Variants in SERPINE3 observed in about 807,000 individuals in gnomAD.
SERPINE3 encodes serpin family E member 3.
A neutral mutation model predicts 41.7 loss-of-function variants in SERPINE3; 43 were observed. The observed-to-expected ratio is 1.03, with a 90% CI of 0.81 to 1.33. The LOEUF (loss-of-function observed/expected upper bound fraction) is 1.33, where lower values mean the gene tolerates loss of function less well. SERPINE3 is among the 40% of genes most tolerant of loss of function. The probability of loss-of-function intolerance (pLI) is 0.00; values close to 1 mark genes in which losing one functional copy is unlikely to be tolerated. For synonymous variants in SERPINE3, 200 were observed against 192.2 expected (o/e 1.04, Z -0.34); for missense variants, 440 against 491.7 (o/e 0.89, Z 0.99).
chr13:51,351,680 G>A (rs558833216), intron 6 of SERPINE3, among the ~76,000 whole-genome samples: 65 of 152,104 alleles, frequency 4.3e-4, no homozygotes, highest in African/African-American at 1.3e-3. Flanking sequence ...TTGCGCTTTC[G>A]ATGCCATATT....
intron 6 of SERPINE3, among the ~76,000 whole-genome samples, chr13:51,349,871 G>C (rs555390503): frequency 6.6e-6 from 1 of 152,304 alleles, no homozygotes; most frequent in Admixed American, 6.5e-5. Context: ...AAGGAGGATA[G>C]AGGTTTTTAG....
intron 3 of SERPINE3, among the ~76,000 whole-genome samples, chr13:51,343,357 C>T (rs926397507): frequency 1.3e-5 from 2 of 152,198 alleles, no homozygotes; most frequent in Non-Finnish European, 2.9e-5. Context: ...GCTTGGGGTA[C>T]GCCACTGTGT....
chr13:51,361,981 A>T (rs540996987), intron 9 of SERPINE3, 88 bp downstream of exon 9: 5 of 1,611,030 alleles, frequency 3.1e-6, no homozygotes, highest in Non-Finnish European at 4.2e-6. Flanking sequence ...CCCCTCAAAA[A>T]TAAGCATTCT....
chr13:51,363,968 T>C (rs1040285091), intron 9 of SERPINE3: 1 of 244,848 alleles, frequency 4.1e-6, no homozygotes, highest in African/African-American at 2.2e-5. Flanking sequence ...TAGATACTCT[T>C]GTTAAGTATG....
intron 4 of SERPINE3, 29 bp from the exon 5 acceptor site, chr13:51,346,996 C>G: frequency 6.6e-7 from 1 of 1,522,168 alleles, no homozygotes. Flanking sequence ...CACATTTAAC[C>G]CATGGCCACC....
Position 51,347,049 on chromosome 13 carries a change from G to T in SERPINE3, c.515G>T (p.Gly172Val). The change falls in exon 5 of 10, where the codon GGT becomes GTT. Residue 172 changes from glycine (G) to valine (V), a missense_variant. Gly to Val is a moderately radical substitution (Grantham distance 109). Transcript: ENST00000681248. ...GGTGGGGGCCCCAGTGAGGGCCCTG[G>T]TGGCTGGCCGTGGGAGCAAGTCAGT... ...TAGGGPSEGP[G>V]GWPWEQVSAA... The T allele has an allele frequency of 6.3e-7, 1 of 1,590,000 alleles. No homozygotes were observed. The highest frequency in any genetic ancestry group is 8.6e-7 in the Non-Finnish European group (1 of 1,167,884).
At chr13:51,346,352 T>A (rs907248056) in intron 4 of SERPINE3, among the ~76,000 whole-genome samples, 1 of 152,056 alleles carries the variant, frequency 6.6e-6, no homozygotes, top group Non-Finnish European at 1.5e-5. Flanking sequence ...GTGCAGGATC[T>A]CCCATCACAG....
At chr13:51,361,390 A>G in intron 8 of SERPINE3, 26 bp downstream of exon 8, 4 of 1,393,506 alleles carry the variant, frequency 2.9e-6, no homozygotes, top group Non-Finnish European at 4.1e-6. Context: ...ACCCAGTCAC[A>G]CTGCTTACCC....
chr13:51,352,952 C>T (rs1467757532), intron 6 of SERPINE3, among the ~76,000 whole-genome samples: 1 of 152,022 alleles, frequency 6.6e-6, no homozygotes, highest in East Asian at 1.9e-4. Flanking sequence ...GGGATAAATC[C>T]CACTTTGTCA....
Position 51,341,304 on chromosome 13 carries a change from C to T in SERPINE3, c.213C>T (p.Ser71=). 1.2e-6 allele frequency: 2 copies of T among 1,612,302 alleles called. No individual in the cohort carries two copies. The highest frequency in any genetic ancestry group is 1.7e-6 in the Non-Finnish European group (2 of 1,178,994). The change falls in exon 3 of 10, where the codon AGC becomes AGT. Residue 71 remains serine (S), a synonymous_variant. Transcript: ENST00000681248. ...TCCTGCAGTTTGGAGCAGAAGGGAG[C>T]ACTGGTCAGCAGCTGGCAGATGCCC... ...LEILQFGAEG[S]TGQQLADALG...
intron 5 of SERPINE3, 88 bp from the exon 6 acceptor site, chr13:51,348,125 C>T (rs1955367764): frequency 9.6e-7 from 1 of 1,038,816 alleles, no homozygotes; most frequent in Non-Finnish European, 1.4e-6. Context: ...GTTTCCAGTC[C>T]TCTGAGCCAG....
At chr13:51,346,710 T>A (rs1272992281) in intron 4 of SERPINE3, among the ~76,000 whole-genome samples, 1 of 152,168 alleles carries the variant, frequency 6.6e-6, no homozygotes, top group African/African-American at 2.4e-5. Context: ...AGCCTCTGAC[T>A]CTGGCCCTGT....
intron 9 of SERPINE3, 115 bp from the exon 10 acceptor site, chr13:51,364,124 C>A: frequency 2.2e-6 from 1 of 460,158 alleles, no homozygotes; most frequent in South Asian, 5.8e-5. Flanking sequence ...TTAACAATTC[C>A]ATCTATTAAA....
At position 51,364,319 on chromosome 13, in the gene SERPINE3, TAA is replaced by T. The variant is rs1955642968; in HGVS notation, c.*39_*40del. On this transcript the variant is annotated 3_prime_UTR_variant, in exon 10 of 10. Coordinates refer to ENST00000681248, the MANE Select transcript of SERPINE3 (RefSeq NM_001386375.1). ...CCACTTTCATCAATGCTTTTCTTCA[TAA>T]AGTTATAATTTCATTTTGCTATACC... 6 of 1,257,134 alleles carry T rather than the reference TAA, an allele frequency of 4.8e-6. No homozygotes were observed. In the Admixed American group the frequency reaches 1.4e-4, roughly 29 times the overall value. 77.9% of individuals were successfully genotyped at this position (1,257,134 alleles called of 1,614,324 possible).
At chr13:51,349,334 G>T (rs1286178449) in intron 6 of SERPINE3, among the ~76,000 whole-genome samples, 1 of 152,190 alleles carries the variant, frequency 6.6e-6, no homozygotes, top group African/African-American at 2.4e-5. Flanking sequence ...GGTCTAAAGT[G>T]AGATCTGGCA....
intron 4 of SERPINE3, 126 bp from the exon 5 acceptor site, chr13:51,346,899 C>A: frequency 1.5e-6 from 1 of 657,022 alleles, no homozygotes. Context: ...AAGAGAGAGA[C>A]CACCTTAAGC....
chr13:51,347,309 T>C (rs1346144462), intron 5 of SERPINE3, 75 bp downstream of exon 5: 2 of 1,266,108 alleles, frequency 1.6e-6, no homozygotes, highest in Non-Finnish European at 2.3e-6. Flanking sequence ...GGAGGCCAGG[T>C]CCCTGCTCCT....
At chr13:51,353,157 C>A (rs1367856394) in intron 6 of SERPINE3, among the ~76,000 whole-genome samples, 1 of 152,136 alleles carries the variant, frequency 6.6e-6, no homozygotes, top group Non-Finnish European at 1.5e-5. Context: ...CCATACAAGA[C>A]AATCACTCTA....
chr13:51,354,078 A>C (rs11542715), intron 6 of SERPINE3: 4 of 152,210 alleles, frequency 2.6e-5, no homozygotes, highest in Non-Finnish European at 5.9e-5. Context: ...CACAGCAAAT[A>C]TGAAAATATA....
Sources: gnomAD v4.1 joint callset for allele counts (sites outside exome capture counted in the v4.1 genomes callset) on GRCh38, gnomAD v4.1.1 for gene constraint, MANE v1.5 for transcripts, NCBI Gene and HGNC (gene_info 2026-07-23, HGNC 2026-07-21) for gene names.